POLR3B: variants seen among roughly 807,000 people sequenced by gnomAD.
POLR3B encodes DNA-directed RNA polymerase III subunit RPC2.
A neutral mutation model predicts 147.4 loss-of-function variants in POLR3B; 96 were observed. The observed-to-expected ratio is 0.65, with a 90% CI of 0.55 to 0.77. The LOEUF (loss-of-function observed/expected upper bound fraction) is 0.77, where lower values mean the gene tolerates loss of function less well. Ranked by LOEUF, POLR3B falls within the 30% of genes least tolerant of loss-of-function variation. The pLI is 0.00. For missense variants in POLR3B, 1,036 were observed against 1,413.5 expected (o/e 0.73, Z 4.28); for synonymous variants, 461 against 485.9 (o/e 0.95, Z 0.67).
At chr12:106,472,107 G>A (rs1200732967) in intron 23 of POLR3B, among the ~76,000 whole-genome samples, 120 of 126,842 alleles carry the variant, frequency 9.5e-4, no homozygotes, top group Non-Finnish European at 1.3e-4. Flanking sequence ...GTGAGAATAT[G>A]CGGTGTTTGG....
chr12:106,490,236 T>C (rs182950936), intron 23 of POLR3B, among the ~76,000 whole-genome samples: 4 of 152,328 alleles, frequency 2.6e-5, no homozygotes, highest in African/African-American at 9.6e-5. Flanking sequence ...TCAACACATT[T>C]TATTAAGCTC....
chr12:106,462,814 G>T (rs1487697286), intron 22 of POLR3B, among the ~76,000 whole-genome samples: 1 of 152,140 alleles, frequency 6.6e-6, no homozygotes, highest in Non-Finnish European at 1.5e-5. Context: ...TCAAGTTGAG[G>T]TTTACCTCTT....
intron 22 of POLR3B, among the ~76,000 whole-genome samples, chr12:106,459,975 G>A (rs1754799771): frequency 6.6e-6 from 1 of 152,170 alleles, no homozygotes; most frequent in Admixed American, 6.5e-5. Flanking sequence ...TCACCACATT[G>A]TGATATAAAA....
At chr12:106,391,343 A>G (rs1410063697) in intron 9 of POLR3B, among the ~76,000 whole-genome samples, 2 of 152,178 alleles carry the variant, frequency 1.3e-5, no homozygotes, top group Admixed American at 1.3e-4. Context: ...CAAAGTCATC[A>G]TACGTGCCAC....
At chr12:106,472,920 G>A (rs2038114289) in intron 23 of POLR3B, among the ~76,000 whole-genome samples, 1 of 136,782 alleles carries the variant, frequency 7.3e-6, no homozygotes, top group Admixed American at 7.2e-5. Context: ...TTGGTGTTTT[G>A]GACATGAAGT....
chr12:106,366,843 CTG>C, intron 4 of POLR3B, 121 bp downstream of exon 4: 1 of 819,684 alleles, frequency 1.2e-6, no homozygotes, highest in South Asian at 1.4e-5. Context: ...TGGCTTATGC[CTG>C]TAATACCAAG....
chr12:106,417,648 G>GAA (rs202003866), intron 12 of POLR3B, among the ~76,000 whole-genome samples: 1 of 151,420 alleles, frequency 6.6e-6, no homozygotes. Flanking sequence ...TTAGGTTCTA[G>GAA]AAAAAAAAAT....
chr12:106,479,584 T>G (rs1398694638), intron 23 of POLR3B, among the ~76,000 whole-genome samples: 1 of 151,762 alleles, frequency 6.6e-6, no homozygotes, highest in Non-Finnish European at 1.5e-5. Flanking sequence ...GGGGTTTCAC[T>G]GTGTTAGCCA....
chr12:106,466,766 G>T (rs2038011628), intron 23 of POLR3B, among the ~76,000 whole-genome samples: 1 of 152,162 alleles, frequency 6.6e-6, no homozygotes, highest in Non-Finnish European at 1.5e-5. Flanking sequence ...GGTGGTAGAT[G>T]TGTGGTGTTA....
chr12:106,363,720 A>T lies in POLR3B; in HGVS notation c.73-150A>T, dbSNP rs964145982. ...TATGTGTATACATATTTATATGCATATGCACACATGTGATTTCCATAAAAA... is the reference window on the plus strand; with the variant it reads ...TATGTGTATACATATTTATATGCATTTGCACACATGTGATTTCCATAAAAA... On this transcript the variant is annotated intron_variant, in intron 1 of 27. Transcript: ENST00000228347. The T allele has an allele frequency of 4.1e-5, 28 of 690,844 alleles. No individual in the cohort carries two copies. In the Admixed American group the frequency reaches 6.2e-4, roughly 15 times the overall value. The allele number at this position is 690,844 out of a possible 1,614,324, so 42.8% of individuals were successfully genotyped here.
At chr12:106,360,295 A>G (rs2036452393) in intron 1 of POLR3B, among the ~76,000 whole-genome samples, 1 of 152,272 alleles carries the variant, frequency 6.6e-6, no homozygotes, top group Admixed American at 6.5e-5. Context: ...TCTAGTGTTT[A>G]CCATGTTTGT....
At chr12:106,417,192 A>G (rs2037315852) in intron 12 of POLR3B, among the ~76,000 whole-genome samples, 1 of 152,210 alleles carries the variant, frequency 6.6e-6, no homozygotes, top group African/African-American at 2.4e-5. Flanking sequence ...CGATATTTGA[A>G]TAAGGAGAAG....
intron 25 of POLR3B, 48 bp from the exon 26 acceptor site, chr12:106,501,275 T>C (rs2038596182): frequency 1.7e-6 from 2 of 1,187,554 alleles, no homozygotes; most frequent in Non-Finnish European, 2.5e-6. Context: ...TGTCTCTTGT[T>C]AGCCCAAACT....
chr12:106,457,145 G>A lies in POLR3B; in HGVS notation c.2301G>A (p.Gly767=). The change falls in exon 21 of 28, where the codon GGG becomes GGA. Residue 767 remains glycine (G), a synonymous_variant. Coordinates refer to ENST00000228347, the MANE Select transcript of POLR3B (RefSeq NM_018082.6). ...LNKASLDRGF[G]RCLVYKNAKC... The stretch of plus-strand genomic sequence containing the variant: ...ATCTTGGTTTCATTTTAGGCTTTGG[G>A]CGTTGCCTTGTATATAAAAATGCTA... 1 of 1,613,032 alleles carries A rather than the reference G, an allele frequency of 6.2e-7. No individual in the cohort carries two copies. The highest frequency in any genetic ancestry group is 8.5e-7 in the Non-Finnish European group (1 of 1,179,278).
intron 10 of POLR3B, among the ~76,000 whole-genome samples, chr12:106,402,464 A>C (rs2037082165): frequency 6.6e-6 from 1 of 152,194 alleles, no homozygotes; most frequent in African/African-American, 2.4e-5. Context: ...AAACTACTTT[A>C]AAGTTCATAT....
At chr12:106,479,796 C>CTTCTTTTCTTTTTTCTTTTCTT (rs2038239772) in intron 23 of POLR3B, among the ~76,000 whole-genome samples, 5 of 133,916 alleles carry the variant, frequency 3.7e-5, no homozygotes, top group African/African-American at 1.5e-4. Context: ...TCTTTCCTTC[C>CTTCTTTTCTTTTTTCTTTTCTT]TTCTTTTCTT....
At chr12:106,443,449 A>T (rs2037679692) in intron 18 of POLR3B, among the ~76,000 whole-genome samples, 1 of 152,216 alleles carries the variant, frequency 6.6e-6, no homozygotes, top group Non-Finnish European at 1.5e-5. Context: ...CCGGCATTTC[A>T]AGTGCTCAGT....
At chr12:106,366,764 T>C (rs746687747) in intron 4 of POLR3B, 42 bp downstream of exon 4, 1 of 1,412,650 alleles carries the variant, frequency 7.1e-7, no homozygotes, top group South Asian at 1.1e-5. Context: ...GGGTTACATC[T>C]AACATTTTTT....
In POLR3B at chr12:106,444,562, T is replaced by A. The variant is rs10861607; in HGVS notation, c.2055T>A (p.Tyr685Ter). The change falls in exon 19 of 28, where the codon TAT becomes TAA. Residue 685 changes from tyrosine to a stop codon, truncating the protein, a stop_gained. Transcript: ENST00000228347. LOFTEE classifies it high-confidence loss of function. ...ATAACCAGTCACCGAGAAACACTTATCAGTGTGCCATGGGGAAACAAGCCA... is the reference window on the plus strand; with the variant it reads ...ATAACCAGTCACCGAGAAACACTTAACAGTGTGCCATGGGGAAACAAGCCA... ...PHHNQSPRNT[Y>*]QCAMGKQAMG... 7 of 1,613,610 alleles carry A rather than the reference T, an allele frequency of 4.3e-6. No homozygotes were observed. In the East Asian group the frequency reaches 1.6e-4, roughly 36 times the overall value.
Sources: allele counts gnomAD v4.1 joint callset (sites outside exome capture counted in the v4.1 genomes callset), GRCh38; gene constraint gnomAD v4.1.1; transcripts MANE v1.5; gene names NCBI Gene and HGNC (gene_info 2026-07-23, HGNC 2026-07-21).